PTPRK: variants seen among roughly 807,000 people sequenced by gnomAD.
PTPRK encodes the protein protein tyrosine phosphatase receptor type K.
In PTPRK, 75 loss-of-function variants were observed where a neutral mutation model predicts 178.0. The observed-to-expected ratio is 0.42, with a 90% CI of 0.35 to 0.51. The LOEUF (loss-of-function observed/expected upper bound fraction) is 0.51. Ranked by LOEUF, PTPRK falls within the 20% of genes least tolerant of loss-of-function variation. The pLI is 0.02. For missense variants in PTPRK, 1,441 were observed against 1,797.8 expected, an observed-to-expected ratio of 0.80 and a Z score of 3.59; for synonymous variants, 637 against 620.6, an observed-to-expected ratio of 1.03 and a Z score of -0.39.
At chr6:128,275,882 A>G (rs1820643533) in intron 3 of PTPRK, among the ~76,000 whole-genome samples, 1 of 151,834 alleles carries the variant, frequency 6.6e-6, no homozygotes, top group East Asian at 1.9e-4. Flanking sequence ...TTAATGTCTT[A>G]TTTTTCTTTG....
chr6:128,517,000 A>C (rs1858141483), intron 1 of PTPRK, among the ~76,000 whole-genome samples: 1 of 151,276 alleles, frequency 6.6e-6, no homozygotes, highest in South Asian at 2.1e-4. Flanking sequence ...TGGTCTGGCC[A>C]ATCTAGTATG....
chr6:128,241,492 C>G (rs1332970705), intron 4 of PTPRK, among the ~76,000 whole-genome samples: 1 of 152,212 alleles, frequency 6.6e-6, no homozygotes, highest in African/African-American at 2.4e-5. Flanking sequence ...CAAGAGGCCC[C>G]AGCCTGCTGC....
At chr6:128,216,245 G>C (rs555083497) in intron 6 of PTPRK, among the ~76,000 whole-genome samples, 26 of 151,924 alleles carry the variant, frequency 1.7e-4, no homozygotes, top group Non-Finnish European at 3.5e-4. Context: ...TTTAAAAAAA[G>C]GAAAAATAAG....
intron 1 of PTPRK, among the ~76,000 whole-genome samples, chr6:128,518,339 G>A (rs532593645): frequency 6.6e-6 from 1 of 152,192 alleles, no homozygotes; most frequent in East Asian, 1.9e-4. Context: ...CTAAACTCCA[G>A]GTATCAGAAA....
chr6:128,493,243 G>A (rs372398877), intron 1 of PTPRK, among the ~76,000 whole-genome samples: 27 of 152,062 alleles, frequency 1.8e-4, no homozygotes, highest in African/African-American at 4.3e-4. Context: ...TATTACATAC[G>A]AACATCTCAA....
chr6:128,223,248 C>T (rs955835537), intron 5 of PTPRK, among the ~76,000 whole-genome samples: 6 of 151,748 alleles, frequency 4.0e-5, no homozygotes, highest in Admixed American at 6.6e-5. Flanking sequence ...ATTCACTGAA[C>T]ATTTTAGAGA....
In PTPRK at chr6:128,457,550, T is replaced by G. The variant is rs934647273; in HGVS notation, c.101-59862A>C. Among the ~76,000 whole-genome samples, 4 of 152,092 alleles carry G rather than the reference T, an allele frequency of 2.6e-5. 1 individual carries two copies. Among genetic ancestry groups the G allele is most frequent in the Non-Finnish European group, 5.9e-5 (4 of 67,986 alleles). ...CATATAGCTAATCACTTGCAATAAA[T>G]TTTTGCCAGGTCCTATATTTGCCAT... On this transcript the variant is annotated intron_variant, in intron 1 of 29. Transcript: ENST00000368226.
In PTPRK at chr6:128,387,297, A is replaced by G. The variant is rs560000861; in HGVS notation, c.223+10269T>C. Among the ~76,000 whole-genome samples the G allele has an allele frequency of 9.6e-4, 146 of 152,266 alleles. 2 individuals are homozygous for G. Among genetic ancestry groups the G allele is most frequent in the African/African-American group, 3.4e-3 (140 of 41,564 alleles). ...GAGTCACTAATTACCACTGATTAAG[A>G]TATTTTACAACTCTGTGAGAAAAGA... On this transcript the variant is annotated intron_variant, in intron 2 of 29. Coordinates refer to ENST00000368226, the MANE Select transcript of PTPRK (RefSeq NM_002844.4).
chr6:128,228,695 A>AC (rs1811817434), intron 5 of PTPRK, among the ~76,000 whole-genome samples: 2 of 151,484 alleles, frequency 1.3e-5, no homozygotes, highest in African/African-American at 4.8e-5. Flanking sequence ...AACAACAACA[A>AC]AAAATTTTCT....
intron 5 of PTPRK, among the ~76,000 whole-genome samples, chr6:128,239,655 T>C (rs761107780): frequency 6.6e-6 from 1 of 152,172 alleles, no homozygotes; most frequent in Non-Finnish European, 1.5e-5. Flanking sequence ...TTTAAAGAAT[T>C]TATCAGAGTA....
chr6:128,383,370 G>A (rs949665940), intron 2 of PTPRK, among the ~76,000 whole-genome samples: 8 of 151,830 alleles, frequency 5.3e-5, no homozygotes, highest in Non-Finnish European at 2.9e-5. Context: ...AGTGTTATAC[G>A]GGGCTGGAAT....
intron 1 of PTPRK, among the ~76,000 whole-genome samples, chr6:128,510,813 T>A (rs922393716): frequency 6.6e-6 from 1 of 151,938 alleles, no homozygotes; most frequent in African/African-American, 2.4e-5. Context: ...AAGCCAAAAA[T>A]TTTTTAATCT....
At chr6:128,359,852 AATTAGCCATAGAGTGC>A (rs1328528348) in intron 2 of PTPRK, among the ~76,000 whole-genome samples, 1 of 152,240 alleles carries the variant, frequency 6.6e-6, no homozygotes, top group African/African-American at 2.4e-5. Flanking sequence ...ATAAGTGAAG[AATTAGCCATAGAGTGC>A]ATGGCAATAA....
chr6:128,517,180 T>C (rs540907458), intron 1 of PTPRK, among the ~76,000 whole-genome samples: 1 of 152,112 alleles, frequency 6.6e-6, no homozygotes, highest in South Asian at 2.1e-4. Context: ...AAGCTGAGAC[T>C]AAGGCACTTA....
intron 7 of PTPRK, among the ~76,000 whole-genome samples, chr6:128,101,721 G>C (rs1788819381): frequency 6.6e-6 from 1 of 152,076 alleles, no homozygotes; most frequent in Non-Finnish European, 1.5e-5. Context: ...CTAACACATA[G>C]TGCCACTTTA....
chr6:128,078,783 G>T (rs372864313), intron 11 of PTPRK, 30 bp downstream of exon 11: 1 of 1,512,238 alleles, frequency 6.6e-7, no homozygotes, highest in Non-Finnish European at 9.2e-7. Flanking sequence ...CTGTGGATAA[G>T]GCAGAACTAC....
rs1328791213 is a variant in PTPRK, at chr6:128,333,977, AT to A, written c.224-11668del. 9.2e-5 allele frequency among the ~76,000 whole-genome samples: 14 copies of A among 152,278 alleles called. No individual in the cohort carries two copies. The East Asian group carries it at 9.6e-4, about 10-fold the overall frequency. Reference sequence around the variant, plus strand: ...GGTTACTAATTGGCTTAATTTCAATATTGTTGTGTCTCAGAGAACAGGGAGG... The same window carrying A: ...GGTTACTAATTGGCTTAATTTCAATATGTTGTGTCTCAGAGAACAGGGAGG... On this transcript the variant is annotated intron_variant, in intron 2 of 29. Transcript: ENST00000368226.
At chr6:128,130,788 T>C (rs879736869) in intron 7 of PTPRK, among the ~76,000 whole-genome samples, 23 of 152,108 alleles carry the variant, frequency 1.5e-4, no homozygotes, top group Non-Finnish European at 2.5e-4. Context: ...CTGATTTAGA[T>C]ACCCAAGGCT....
intron 13 of PTPRK, among the ~76,000 whole-genome samples, chr6:128,039,756 C>A (rs1180831000): frequency 6.6e-6 from 1 of 152,158 alleles, no homozygotes; most frequent in Non-Finnish European, 1.5e-5. Flanking sequence ...TTATCCCAAG[C>A]CTGCTCTGCA....
Sources: gnomAD v4.1 joint callset for allele counts (sites outside exome capture counted in the v4.1 genomes callset) on GRCh38, gnomAD v4.1.1 for gene constraint, MANE v1.5 for transcripts, NCBI Gene and HGNC (gene_info 2026-07-23, HGNC 2026-07-21) for gene names.